Variants in ADCY8 observed in about 807,000 individuals in gnomAD.
The protein encoded by ADCY8 is adenylate cyclase 8, also known as adenylate cyclase type 8.
ADCY8 carries 51 observed loss-of-function variants against 119.7 expected under a neutral mutation model. The ratio of observed to expected loss-of-function variants is 0.43; its 90% CI spans 0.34 to 0.54. The LOEUF (loss-of-function observed/expected upper bound fraction) is 0.54, where lower values mean the gene tolerates loss of function less well. ADCY8 is among the 20% of genes least tolerant of loss of function. ADCY8 has a pLI of 0.03. For synonymous variants in ADCY8, 665 were observed against 651.0 expected, an observed-to-expected ratio of 1.02 and a Z score of -0.33; for missense variants, 1,383 against 1,598.8, an observed-to-expected ratio of 0.87 and a Z score of 2.30.
chr8:130,858,203 C>T (rs1817810621), intron 9 of ADCY8, among the ~76,000 whole-genome samples: 1 of 152,154 alleles, frequency 6.6e-6, no homozygotes, highest in South Asian at 2.1e-4. Context: ...TATGTTACTT[C>T]AAGACCATAA....
chr8:130,953,395 C>A (rs576933579), intron 2 of ADCY8, among the ~76,000 whole-genome samples: 2 of 152,110 alleles, frequency 1.3e-5, no homozygotes, highest in Non-Finnish European at 2.9e-5. Context: ...GTGTTTCTCT[C>A]GAAACCCTGA....
intron 1 of ADCY8, among the ~76,000 whole-genome samples, chr8:131,017,524 T>G (rs1823518148): frequency 6.6e-6 from 1 of 152,164 alleles, no homozygotes; most frequent in Admixed American, 6.5e-5. Flanking sequence ...ATAACTACTC[T>G]TTATGGTATG....
intron 1 of ADCY8, among the ~76,000 whole-genome samples, chr8:131,031,224 T>A (rs1260457083): frequency 6.6e-6 from 1 of 152,232 alleles, no homozygotes; most frequent in Non-Finnish European, 1.5e-5. Flanking sequence ...GAATGCCCAA[T>A]GGCAAGGAGC....
chr8:131,034,795 A>G (rs1047026586), intron 1 of ADCY8, among the ~76,000 whole-genome samples: 1 of 152,154 alleles, frequency 6.6e-6, no homozygotes, highest in Non-Finnish European at 1.5e-5. Context: ...TAGAATCCCC[A>G]AGAGGGAACC....
rs1817023179 is a variant in ADCY8, at chr8:130,837,408, T to C, written c.2503-959A>G. On this transcript the variant is annotated intron_variant, in intron 11 of 17. Transcript: ENST00000286355. ...GCTTACTCTTCTGGCAAATGTCAGCTTAGGTGTTCTCTCCTCTAAGAAGAC... is the reference window on the plus strand; with the variant it reads ...GCTTACTCTTCTGGCAAATGTCAGCCTAGGTGTTCTCTCCTCTAAGAAGAC... Among the ~76,000 whole-genome samples the C allele has an allele frequency of 3.9e-5, 6 of 152,208 alleles. No homozygotes were observed. In the South Asian group the frequency reaches 1.2e-3, roughly 31 times the overall value.
At position 130,780,814 on chromosome 8, in the gene ADCY8, C is replaced by T. The variant is rs1264430714; in HGVS notation, c.3332G>A (p.Trp1111Ter). 1 of 1,614,178 alleles carries T rather than the reference C, an allele frequency of 6.2e-7. No homozygotes were observed. The highest frequency in any genetic ancestry group is 1.1e-5 in the South Asian group (1 of 91,072). Reference sequence around the variant, plus strand: ...GCTTGCCAGGTTCACAGTTTTGCCCCAAATGTCATACTGTGGTTTCTTAGC... The same window carrying T: ...GCTTGCCAGGTTCACAGTTTTGCCCTAAATGTCATACTGTGGTTTCTTAGC... Reference protein sequence around the residue: ...IGAKKPQYDIWGKTVNLASRM... With the variant: ...IGAKKPQYDI Residue 1111 changes from tryptophan to a stop codon, truncating the protein, a stop_gained, in exon 18 of 18, where the codon TGG (tryptophan) becomes TAG (stop). Coordinates refer to ENST00000286355, the MANE Select transcript of ADCY8 (RefSeq NM_001115.3). LOFTEE classifies it high-confidence loss of function.
At chr8:130,787,478 G>A (rs1815283478) in intron 15 of ADCY8, among the ~76,000 whole-genome samples, 1 of 152,108 alleles carries the variant, frequency 6.6e-6, no homozygotes, top group African/African-American at 2.4e-5. Context: ...GTGTGGGTGT[G>A]GGTGTATATG....
chr8:130,950,120 G>C (rs1475378455), intron 3 of ADCY8, among the ~76,000 whole-genome samples: 3 of 152,196 alleles, frequency 2.0e-5, no homozygotes. Flanking sequence ...GACATTAGGA[G>C]GAAAGGAACT....
intron 1 of ADCY8, among the ~76,000 whole-genome samples, chr8:131,036,543 C>T (rs771369215): frequency 6.6e-6 from 1 of 152,182 alleles, no homozygotes; most frequent in Non-Finnish European, 1.5e-5. Flanking sequence ...TTATGATAGA[C>T]AACATCCTTG....
chr8:130,922,228 AATTG>A (rs1820332838), intron 5 of ADCY8, among the ~76,000 whole-genome samples: 2 of 117,356 alleles, frequency 1.7e-5, no homozygotes, highest in Admixed American at 1.7e-4. Context: ...TTTTTTTTTT[AATTG>A]ATCATTCTTG....
At chr8:130,847,586 G>T in intron 10 of ADCY8, 73 bp from the exon 11 acceptor site, 1 of 1,271,332 alleles carries the variant, frequency 7.9e-7, no homozygotes, top group Non-Finnish European at 1.1e-6. Flanking sequence ...GTGAGTGCTG[G>T]AAATGGAGCA....
chr8:131,023,251 G>T (rs111235791), intron 1 of ADCY8, among the ~76,000 whole-genome samples: 1,935 of 152,240 alleles, frequency 0.013, 38 homozygotes, highest in African/African-American at 0.045. Flanking sequence ...AAACAAAAGA[G>T]ACCCTTCTGC....
intron 12 of ADCY8, among the ~76,000 whole-genome samples, chr8:130,829,958 C>T (rs1816779922): frequency 6.6e-6 from 1 of 152,148 alleles, no homozygotes; most frequent in African/African-American, 2.4e-5. Flanking sequence ...TCCAAGGACC[C>T]TTAGATTTAC....
chr8:130,887,212 G>C (rs1002811616), intron 7 of ADCY8, among the ~76,000 whole-genome samples: 1 of 152,158 alleles, frequency 6.6e-6, no homozygotes, highest in African/African-American at 2.4e-5. Context: ...CGTCCATTCA[G>C]AGAAGGATTC....
At chr8:130,794,849 G>T (rs114393643) in intron 15 of ADCY8, among the ~76,000 whole-genome samples, 1,645 of 152,290 alleles carry the variant, frequency 0.011, 33 homozygotes, top group African/African-American at 0.038. Context: ...TGCATAGAGG[G>T]ATTAAATAAC....
At chr8:130,904,126 CCAGGGTTACA>C in intron 6 of ADCY8, 84 bp from the exon 7 acceptor site, 1 of 1,357,502 alleles carries the variant, frequency 7.4e-7, no homozygotes, top group Non-Finnish European at 1.0e-6. Context: ...AAAACCAACA[CCAGGGTTACA>C]CAAGGGTATT....
chr8:131,011,174 GA>G (rs5742177), intron 1 of ADCY8, among the ~76,000 whole-genome samples: 9,399 of 146,524 alleles, frequency 0.064, 384 homozygotes, highest in African/African-American at 0.11. Context: ...TTTATTGAAT[GA>G]AAAAAAAAAA....
chr8:131,001,896 GAA>G (rs950338316), intron 1 of ADCY8, among the ~76,000 whole-genome samples: 1 of 152,176 alleles, frequency 6.6e-6, no homozygotes, highest in African/African-American at 2.4e-5. Context: ...ACTCTGCAGG[GAA>G]AAGAGTAGAG....
intron 16 of ADCY8, 43 bp from the exon 17 acceptor site, chr8:130,783,848 T>TG: frequency 6.7e-7 from 1 of 1,481,534 alleles, no homozygotes; most frequent in Non-Finnish European, 9.4e-7. Flanking sequence ...ATGCGGAATG[T>TG]GGGGGAACAT....
Sources: allele counts gnomAD v4.1 joint callset (sites outside exome capture counted in the v4.1 genomes callset), GRCh38; gene constraint gnomAD v4.1.1; transcripts MANE v1.5; gene names NCBI Gene and HGNC (gene_info 2026-07-23, HGNC 2026-07-21).